FARP1: variants seen among roughly 807,000 people sequenced by gnomAD.
The protein encoded by FARP1 is FERM, ARHGEF and pleckstrin domain-containing protein 1.
A neutral mutation model predicts 128.8 loss-of-function variants in FARP1; 52 were observed. That is an observed-to-expected ratio of 0.40 (90% CI 0.32 to 0.51). The LOEUF (loss-of-function observed/expected upper bound fraction) is 0.51, where lower values mean the gene tolerates loss of function less well. Ranked by LOEUF, FARP1 falls within the 20% of genes least tolerant of loss-of-function variation. FARP1 has a pLI of 0.45. For missense variants in FARP1, 1,333 were observed against 1,367.9 expected, an observed-to-expected ratio of 0.97 and a Z score of 0.40; for synonymous variants, 580 against 551.8, an observed-to-expected ratio of 1.05 and a Z score of -0.72.
rs141555230 is a variant in FARP1, at chr13:98,442,766, T to G, written c.2796+1930T>G. On this transcript the variant is annotated intron_variant, in intron 24 of 26. Transcript: ENST00000319562. ...ATGGGAAACGAGGCCTCATCAGATC[T>G]CACCTGTGGGCGTGTGTCTGAAACG... is the stretch of plus-strand genomic sequence containing the variant. Among the ~76,000 whole-genome samples, 387 of 152,320 alleles carry G rather than the reference T, an allele frequency of 2.5e-3. 7 individuals carry two copies. In the East Asian group the frequency reaches 0.045, roughly 18 times the overall value.
chr13:98,453,219 A>AAG lies in FARP1; in HGVS notation c.*4914_*4915dup, dbSNP rs748089047. The AAG allele has an allele frequency of 2.0e-5, 32 of 1,610,058 alleles. No individual in the cohort carries two copies. Among genetic ancestry groups the AAG allele is most frequent in the East Asian group, 4.5e-5 (2 of 44,750 alleles). ...ACCACTTAGAGAGTATCTAGGGAAA[A>AAG]AGAGAGAGAGAGAAGTCAACACATG... On this transcript the variant is annotated 3_prime_UTR_variant, in exon 27 of 27. Transcript: ENST00000319562.
intron 2 of FARP1, among the ~76,000 whole-genome samples, chr13:98,253,992 A>G (rs1883473071): frequency 6.6e-6 from 1 of 152,204 alleles, no homozygotes; most frequent in Non-Finnish European, 1.5e-5. Flanking sequence ...CTCATCGCAT[A>G]GTTATATACA....
At chr13:98,201,967 A>G (rs1279650279) in intron 1 of FARP1, among the ~76,000 whole-genome samples, 2 of 152,244 alleles carry the variant, frequency 1.3e-5, no homozygotes, top group Non-Finnish European at 2.9e-5. Context: ...TGGTTGATGT[A>G]AAACAGTTGA....
chr13:98,246,186 C>T (rs1449492887), intron 2 of FARP1, among the ~76,000 whole-genome samples: 1 of 137,114 alleles, frequency 7.3e-6, no homozygotes, highest in Non-Finnish European at 1.5e-5. Flanking sequence ...GCTCCGCCCC[C>T]TGGGGTTCAC....
intron 7 of FARP1, 85 bp downstream of exon 7, chr13:98,384,929 C>G: frequency 1.3e-6 from 1 of 786,700 alleles, no homozygotes; most frequent in Non-Finnish European, 2.2e-6. Context: ...CTCCACCCCC[C>G]ACACAAACTA....
intron 2 of FARP1, among the ~76,000 whole-genome samples, chr13:98,315,425 A>G (rs1271867112): frequency 6.6e-6 from 1 of 152,132 alleles, no homozygotes; most frequent in East Asian, 1.9e-4. Context: ...GTTTTATGCG[A>G]AGATGGTCCA....
intron 2 of FARP1, among the ~76,000 whole-genome samples, chr13:98,269,543 T>C (rs551735494): frequency 1.3e-5 from 2 of 152,354 alleles, no homozygotes; most frequent in African/African-American, 4.8e-5. Context: ...CAGATATTTC[T>C]ATTTGCTTTT....
At chr13:98,428,686 G>A (rs1321899769) in intron 17 of FARP1, among the ~76,000 whole-genome samples, 7 of 152,264 alleles carry the variant, frequency 4.6e-5, no homozygotes, top group Admixed American at 1.3e-4. Flanking sequence ...CCTGCCTTCC[G>A]GCCACCGTCA....
chr13:98,300,919 C>G (rs1020994485), intron 2 of FARP1, among the ~76,000 whole-genome samples: 1 of 152,160 alleles, frequency 6.6e-6, no homozygotes, highest in African/African-American at 2.4e-5. Flanking sequence ...TCCCAAATGA[C>G]AAAGCCCCTG....
At chr13:98,397,592 C>G (rs1303694390) in intron 13 of FARP1, 1 of 152,156 alleles carries the variant, frequency 6.6e-6, no homozygotes, top group African/African-American at 2.4e-5. Context: ...GCCTGGTTTT[C>G]ACTTGAAGTT....
At position 98,379,181 on chromosome 13, in the gene FARP1, A is replaced by ATC. The variant is rs1491096642; in HGVS notation, c.496+1264_496+1265insCT. 5.4e-5 allele frequency among the ~76,000 whole-genome samples: 4 copies of ATC among 73,492 alleles called. 1 individual carries two copies. The highest frequency in any genetic ancestry group is 3.2e-4 in the African/African-American group (4 of 12,486). 48.2% of individuals were successfully genotyped at this position (73,492 alleles called of 152,430 possible). A position where few individuals can be genotyped will look rare whatever the true frequency, so the allele number is the denominator to read the frequency against. On this transcript the variant is annotated intron_variant, in intron 6 of 26. Transcript: ENST00000319562. ...ATATATAATATATAATCTATATATA[A>ATC]TATATATAATATATAATATATATAT...
intron 7 of FARP1, 122 bp downstream of exon 7, chr13:98,384,966 G>A: frequency 1.5e-6 from 1 of 650,264 alleles, no homozygotes. Context: ...AAAGCGTGAG[G>A]AAAGAAGATC....
intron 2 of FARP1, among the ~76,000 whole-genome samples, chr13:98,239,795 ACT>A (rs1447099623): frequency 6.6e-6 from 1 of 151,398 alleles, no homozygotes; most frequent in Non-Finnish European, 1.5e-5. Flanking sequence ...GGAGCAGGTG[ACT>A]CTCTGGCTCC....
chr13:98,248,625 A>C, intron 2 of FARP1, among the ~76,000 whole-genome samples: 1 of 152,258 alleles, frequency 6.6e-6, no homozygotes, highest in Non-Finnish European at 1.5e-5. Flanking sequence ...GTAGTCCCCA[A>C]ATCAAGCTTG....
intron 1 of FARP1, among the ~76,000 whole-genome samples, chr13:98,145,126 T>C (rs990430662): frequency 2.6e-5 from 4 of 152,324 alleles, no homozygotes; most frequent in East Asian, 3.9e-4. Flanking sequence ...GAGGGAATTG[T>C]TGGTGGAGAC....
Position 98,258,658 on chromosome 13 carries a change from A to G in FARP1, c.171+45245A>G, listed in dbSNP as rs562924572. Among the ~76,000 whole-genome samples, 19 of 152,172 alleles carry G rather than the reference A, an allele frequency of 1.2e-4. 1 individual carries two copies. In the South Asian group the frequency reaches 4.0e-3, roughly 32 times the overall value. On this transcript the variant is annotated intron_variant, in intron 2 of 26. Transcript: ENST00000319562. ...CTCTTGAGGCCAGGAGATCAAGAGCAACCTGGGCAACATAGAGAGACTACA... is the reference window on the plus strand; with the variant it reads ...CTCTTGAGGCCAGGAGATCAAGAGCGACCTGGGCAACATAGAGAGACTACA...
rs534111909 is a variant in FARP1 at position 98,270,544 on chromosome 13, G to A, written c.171+57131G>A. ...GTTGAATGCTCATCCTGAGGACGCA[G>A]CTCCCTTCCTAGAAATGAGGTAGCT... On this transcript the variant is annotated intron_variant, in intron 2 of 26. Transcript: ENST00000319562. Among the ~76,000 whole-genome samples the A allele has an allele frequency of 6.6e-5, 10 of 152,278 alleles. No individual in the cohort carries two copies. The East Asian group carries it at 1.9e-3, about 29-fold the overall frequency.
chr13:98,414,895 C>T (rs1891319627), intron 16 of FARP1, among the ~76,000 whole-genome samples: 1 of 152,220 alleles, frequency 6.6e-6, no homozygotes, highest in Non-Finnish European at 1.5e-5. Context: ...CAGGTACCTG[C>T]AGTCTGGTCC....
intron 8 of FARP1, among the ~76,000 whole-genome samples, chr13:98,386,208 T>TTCC (rs1555342699): frequency 6.8e-6 from 1 of 146,066 alleles, no homozygotes; most frequent in African/African-American, 2.6e-5. Context: ...TTTTTTTTTT[T>TTCC]CAAACACAGT....
Sources: gnomAD v4.1 joint callset for allele counts (sites outside exome capture counted in the v4.1 genomes callset) on GRCh38, gnomAD v4.1.1 for gene constraint, MANE v1.5 for transcripts, NCBI Gene and HGNC (gene_info 2026-07-23, HGNC 2026-07-21) for gene names.